The following TRMT11 variants were observed in gnomAD, a reference collection of about 807,000 sequenced individuals.
TRMT11 encodes tRNA (guanine(10)-N(2))-methyltransferase TRMT11.
A neutral mutation model predicts 62.8 loss-of-function variants in TRMT11; 53 were observed. That is an observed-to-expected ratio of 0.84 (90% CI 0.68 to 1.06). The LOEUF (loss-of-function observed/expected upper bound fraction) is 1.06. Among genes scored for constraint, TRMT11 ranks in the 50% least tolerant of loss-of-function variants. The pLI is 0.00. For missense variants in TRMT11, 556 were observed against 553.4 expected (o/e 1.00, Z -0.05); for synonymous variants, 188 against 190.3 (o/e 0.99, Z 0.10).
chr6:126,078,456 T>G (rs1777083320), intron 17 of TRMT11, among the ~76,000 whole-genome samples: 1 of 152,138 alleles, frequency 6.6e-6, no homozygotes, highest in South Asian at 2.1e-4. Context: ...TGATTTCATT[T>G]TGTTATTCTT....
At chr6:126,101,295 C>G (rs1777397366) in intron 17 of TRMT11, among the ~76,000 whole-genome samples, 3 of 152,142 alleles carry the variant, frequency 2.0e-5, no homozygotes, top group Admixed American at 6.5e-5. Context: ...TTGTTTACTA[C>G]AATTAATAAT....
chr6:126,010,374 C>G (rs1027116130), intron 8 of TRMT11, among the ~76,000 whole-genome samples: 2 of 151,852 alleles, frequency 1.3e-5, no homozygotes, highest in African/African-American at 4.8e-5. Context: ...TTGTTTTTTT[C>G]CAGGCGTCTA....
chr6:126,151,969 C>T (rs1778062852), intron 21 of TRMT11, among the ~76,000 whole-genome samples: 2 of 79,944 alleles, frequency 2.5e-5, no homozygotes, highest in Non-Finnish European at 5.0e-5. Flanking sequence ...TTCTTTCTTT[C>T]CTCTCTCTCT....
chr6:125,995,806 C>G (rs1189679874), intron 2 of TRMT11, among the ~76,000 whole-genome samples, 161 bp from the exon 3 acceptor site: 1 of 152,078 alleles, frequency 6.6e-6, no homozygotes. Context: ...TTCTAATTTA[C>G]TTTTTTACTA....
At chr6:126,213,758 G>A in the TRMT11 span, among the ~76,000 whole-genome samples, 1 of 151,982 alleles carries the variant, frequency 6.6e-6, no homozygotes, top group African/African-American at 2.4e-5. Flanking sequence ...CTCTCTGACT[G>A]CTCTAGCTAG....
intron 17 of TRMT11, among the ~76,000 whole-genome samples, chr6:126,103,587 G>T (rs1402222358): frequency 6.6e-6 from 1 of 152,160 alleles, no homozygotes; most frequent in Non-Finnish European, 1.5e-5. Flanking sequence ...AACTCACTTA[G>T]GTTGTTGGCA....
chr6:126,249,152 T>G, the TRMT11 span, among the ~76,000 whole-genome samples: 1 of 152,104 alleles, frequency 6.6e-6, no homozygotes, highest in Non-Finnish European at 1.5e-5. Flanking sequence ...ATGCAGTTGG[T>G]CTAGAATGCA....
intron 1 of TRMT11, among the ~76,000 whole-genome samples, chr6:125,992,320 G>A (rs962401600): frequency 2.6e-5 from 4 of 152,162 alleles, no homozygotes; most frequent in African/African-American, 9.7e-5. Context: ...TATTCCAGGA[G>A]CAGCAAACTT....
the TRMT11 span, among the ~76,000 whole-genome samples, chr6:126,269,177 T>G: frequency 7.1e-6 from 1 of 140,236 alleles, no homozygotes; most frequent in African/African-American, 2.7e-5. Context: ...GGCAGGAGAA[T>G]GGCGTGAACC....
At chr6:126,222,693 A>C in the TRMT11 span, among the ~76,000 whole-genome samples, 18 of 152,034 alleles carry the variant, frequency 1.2e-4, no homozygotes, top group East Asian at 3.1e-3. Context: ...GTTTTTCTCT[A>C]TCCCTTTACT....
chr6:126,046,331 G>C (rs1240169050), intron 16 of TRMT11, among the ~76,000 whole-genome samples: 2 of 152,156 alleles, frequency 1.3e-5, no homozygotes, highest in South Asian at 4.1e-4. Context: ...CTGAGTCAAA[G>C]GGTCCCCAAT....
intron 17 of TRMT11, among the ~76,000 whole-genome samples, chr6:126,108,792 A>G (rs1272902407): frequency 6.6e-6 from 1 of 152,210 alleles, no homozygotes; most frequent in Non-Finnish European, 1.5e-5. Context: ...AGGGACTATT[A>G]GTTGTACAAC....
At chr6:126,186,558 C>A (rs1328443744) in intron 1 of TRMT11, among the ~76,000 whole-genome samples, 1 of 152,082 alleles carries the variant, frequency 6.6e-6, no homozygotes, top group Non-Finnish European at 1.5e-5. Context: ...TAAACATTGA[C>A]AAATTACAAT....
intron 21 of TRMT11, among the ~76,000 whole-genome samples, chr6:126,143,226 A>G (rs1385468833): frequency 1.3e-5 from 2 of 152,142 alleles, no homozygotes; most frequent in African/African-American, 4.8e-5. Flanking sequence ...TCTTTTACAA[A>G]TATAATTGTG....
intron 7 of TRMT11, among the ~76,000 whole-genome samples, chr6:126,007,887 A>T (rs1793599522): frequency 6.6e-6 from 1 of 152,098 alleles, no homozygotes; most frequent in African/African-American, 2.4e-5. Flanking sequence ...GTTAATTCTT[A>T]CAAAAATTAA....
chr6:126,066,922 TAAA>T lies in TRMT11; in HGVS notation c.*1437+13746_*1437+13748del, dbSNP rs371763379. ...CAACTGACCAACTTCATTCATGACT[TAAA>T]AAAAAAAAAAAAATAAGGGCCGGGC... On this transcript the variant is annotated intron_variant and NMD_transcript_variant, in intron 17 of 22. Coordinates refer to the TRMT11 transcript ENST00000648977. Among the ~76,000 whole-genome samples the T allele has an allele frequency of 8.5e-3, 1,167 of 137,222 alleles. 17 individuals are homozygous for T. The highest frequency in any genetic ancestry group is 0.03 in the African/African-American group (1,108 of 37,314). 90.0% of individuals were successfully genotyped at this position (137,222 alleles called of 152,430 possible).
chr6:126,028,688 C>T (rs748238594), intron 12 of TRMT11, among the ~76,000 whole-genome samples: 19 of 152,020 alleles, frequency 1.2e-4, no homozygotes, highest in East Asian at 7.7e-4. Context: ...TTTTGTCAAA[C>T]GGGATTTTTA....
At position 126,154,325 on chromosome 6, in the gene TRMT11, A is replaced by ATG. The variant is rs752384256; in HGVS notation, c.*1824-20488_*1824-20487dup. 1.3e-3 allele frequency among the ~76,000 whole-genome samples: 194 copies of ATG among 148,154 alleles called. 1 individual carries two copies. Among genetic ancestry groups the ATG allele is most frequent in the Middle Eastern group, 3.4e-3 (1 of 294 alleles). Reference sequence around the variant, plus strand: ...AGTGTTAGGTATCAGTAATAAAGATATGTGTGTGTGTGTATGTGTGTGTGT... The same window carrying ATG: ...AGTGTTAGGTATCAGTAATAAAGATATGTGTGTGTGTGTGTATGTGTGTGTGT... On this transcript the variant is annotated intron_variant and NMD_transcript_variant, in intron 21 of 22. Coordinates refer to the TRMT11 transcript ENST00000648977.
At chr6:126,059,793 C>T (rs1776478236) in intron 17 of TRMT11, among the ~76,000 whole-genome samples, 1 of 152,162 alleles carries the variant, frequency 6.6e-6, no homozygotes, top group Non-Finnish European at 1.5e-5. Flanking sequence ...TTCATCTCCT[C>T]TAGACAGTAA....
Sources: gnomAD v4.1 joint callset for allele counts (sites outside exome capture counted in the v4.1 genomes callset) on GRCh38, gnomAD v4.1.1 for gene constraint, MANE v1.5 for transcripts, NCBI Gene and HGNC (gene_info 2026-07-23, HGNC 2026-07-21) for gene names.